Variants in GDAP1L1 observed in about 807,000 individuals in gnomAD.
GDAP1L1 encodes the protein ganglioside-induced differentiation-associated protein 1-like 1.
In GDAP1L1, 21 loss-of-function variants were observed where a neutral mutation model predicts 37.1. That is an observed-to-expected ratio of 0.57 (90% confidence interval 0.40 to 0.81). The LOEUF (loss-of-function observed/expected upper bound fraction) is 0.81, where lower values mean the gene tolerates loss of function less well. Ranked by LOEUF, GDAP1L1 falls within the 40% of genes least tolerant of loss-of-function variation. The pLI, the probability that GDAP1L1 is intolerant of heterozygous loss-of-function variation, is 0.00. For missense variants in GDAP1L1, 362 were observed against 491.6 expected, an observed-to-expected ratio of 0.74 and a Z score of 2.49; for synonymous variants, 193 against 209.1, an observed-to-expected ratio of 0.92 and a Z score of 0.67.
rs1177994029 is a variant in GDAP1L1, at chr20:44,263,357, T to G, written c.645+30T>G. On this transcript the variant is annotated intron_variant, in intron 4 of 5. Coordinates refer to ENST00000342560, the MANE Select transcript of GDAP1L1 (RefSeq NM_024034.6). ...GTACCTCCCGGCCTGCTGAGTCCCC[T>G]TCCCTACGAGCTCTTCCACGGAAAT... 9 of 1,408,722 alleles carry G rather than the reference T, an allele frequency of 6.4e-6. No individual in the cohort carries two copies. The East Asian group carries it at 2.0e-4, about 32-fold the overall frequency. The allele number at this position is 1,408,722 out of a possible 1,614,324, so 87.3% of individuals were successfully genotyped here. A position where few individuals can be genotyped will look rare whatever the true frequency, so the allele number is the denominator to read the frequency against.
At chr20:44,275,565 C>T (rs575439974) in intron 5 of GDAP1L1, among the ~76,000 whole-genome samples, 3 of 152,192 alleles carry the variant, frequency 2.0e-5, no homozygotes, top group Admixed American at 6.5e-5. Flanking sequence ...GACAAAGGCC[C>T]GGAGGCTGAA....
At chr20:44,277,340 C>G (rs1238184093) in intron 5 of GDAP1L1, among the ~76,000 whole-genome samples, 1 of 152,202 alleles carries the variant, frequency 6.6e-6, no homozygotes, top group African/African-American at 2.4e-5. Context: ...GTGAAGGAGG[C>G]AGAGGAATGA....
chr20:44,254,353 A>G (rs2073500095), intron 1 of GDAP1L1, among the ~76,000 whole-genome samples: 1 of 152,222 alleles, frequency 6.6e-6, no homozygotes, highest in East Asian at 1.9e-4. Context: ...TTGCTCACTC[A>G]TACACACGCA....
chr20:44,258,296 C>T (rs1407580110), intron 2 of GDAP1L1, 138 bp from the exon 3 acceptor site: 46 of 843,110 alleles, frequency 5.5e-5, no homozygotes, highest in Non-Finnish European at 7.2e-5. Flanking sequence ...ATCCCCTGTC[C>T]GCCAGCAGCC....
At position 44,263,326 on chromosome 20, in the gene GDAP1L1, T is replaced by C. The variant is rs760569585; in HGVS notation, c.644T>C (p.Met215Thr). The C allele has an allele frequency of 6.2e-7, 1 of 1,608,964 alleles. No homozygotes were observed. The highest frequency in any genetic ancestry group is 1.1e-5 in the South Asian group (1 of 90,950). ...TACCTTTCTAAACAAAAGAAGCTCA[T>C]GGTGAGTACCTCCCGGCCTGCTGAG... ...EPYLSKQKKL[M>T]AKILEHDDVS... The change falls in exon 4 of 6, where the codon ATG (methionine) becomes ACG (threonine). Residue 215 changes from methionine to threonine, a missense_variant and splice_region_variant. Coordinates refer to ENST00000342560, the MANE Select transcript of GDAP1L1 (RefSeq NM_024034.6).
rs567145186 is a variant in GDAP1L1, at chr20:44,265,156, G to A, written c.760+597G>A. On this transcript the variant is annotated intron_variant, in intron 5 of 5. Coordinates refer to ENST00000342560, the MANE Select transcript of GDAP1L1 (RefSeq NM_024034.6). The stretch of plus-strand genomic sequence containing the variant: ...CCCAAGAATGCATTATAGCTCCTTC[G>A]TGCTCCAGCCAGACATCCAAGCTCA... 7.0e-5 allele frequency: 69 copies of A among 985,256 alleles called. 1 individual carries two copies. In the African/African-American group the frequency reaches 1.1e-3, roughly 16 times the overall value. The allele number at this position is 985,256 out of a possible 1,614,324, so 61.0% of individuals were successfully genotyped here.
chr20:44,275,814 CA>C (rs1411461208), intron 5 of GDAP1L1, among the ~76,000 whole-genome samples: 1 of 152,118 alleles, frequency 6.6e-6, no homozygotes, highest in Non-Finnish European at 1.5e-5. Flanking sequence ...ATTGCACAAA[CA>C]AGTGTTTTCT....
chr20:44,278,923 C>T (rs748990426), intron 5 of GDAP1L1, 34 bp from the exon 6 acceptor site: 2 of 1,415,808 alleles, frequency 1.4e-6, no homozygotes, highest in Admixed American at 3.5e-5. Context: ...TTAGGGGAGG[C>T]TGATCCCCTT....
At chr20:44,269,586 T>C (rs2062491257) in intron 5 of GDAP1L1, among the ~76,000 whole-genome samples, 1 of 151,964 alleles carries the variant, frequency 6.6e-6, no homozygotes, top group African/African-American at 2.4e-5. Context: ...ATTTTGAAGA[T>C]AAAATGAGCA....
At chr20:44,262,721 T>G (rs920172020) in intron 3 of GDAP1L1, among the ~76,000 whole-genome samples, 2 of 151,918 alleles carry the variant, frequency 1.3e-5, no homozygotes, top group African/African-American at 4.8e-5. Flanking sequence ...TTTATTTATT[T>G]TTGTATTTTT....
intron 1 of GDAP1L1, among the ~76,000 whole-genome samples, chr20:44,248,949 T>A (rs1044031037): frequency 1.3e-5 from 2 of 152,188 alleles, no homozygotes; most frequent in African/African-American, 4.8e-5. Flanking sequence ...AGGGCTATTA[T>A]GAGAGTGAAA....
chr20:44,272,702 G>A (rs1351969980), intron 5 of GDAP1L1, among the ~76,000 whole-genome samples: 3 of 152,138 alleles, frequency 2.0e-5, no homozygotes, highest in East Asian at 3.9e-4. Context: ...CTGCCCAGGC[G>A]CACACACAAA....
chr20:44,272,579 C>G (rs111737460), intron 5 of GDAP1L1, among the ~76,000 whole-genome samples: 3,120 of 152,220 alleles, frequency 0.02, 108 homozygotes, highest in African/African-American at 0.071. Context: ...TCGCCTCCAG[C>G]TGGCAGACCC....
intron 1 of GDAP1L1, among the ~76,000 whole-genome samples, chr20:44,253,169 G>A (rs543498180): frequency 3.9e-5 from 6 of 152,176 alleles, no homozygotes; most frequent in South Asian, 4.2e-4. Context: ...CGCACTCACC[G>A]TCTTTTGACA....
intron 5 of GDAP1L1, 51 bp from the exon 6 acceptor site, chr20:44,278,906 G>A: frequency 8.6e-7 from 1 of 1,167,900 alleles, no homozygotes; most frequent in Non-Finnish European, 1.3e-6. Flanking sequence ...AGAAGCAAGT[G>A]TGTGTGTTAG....
chr20:44,258,322 G>C (rs2073602966), intron 2 of GDAP1L1, 112 bp from the exon 3 acceptor site: 1 of 1,036,460 alleles, frequency 9.6e-7, no homozygotes, highest in African/African-American at 1.6e-5. Flanking sequence ...CGAGCATGGG[G>C]GTGCCCAGGG....
rs1447427638 is a variant in GDAP1L1 at position 44,279,156 on chromosome 20, C to T, written c.960C>T (p.Thr320=). The T allele has an allele frequency of 2.5e-6, 4 of 1,614,002 alleles. No homozygotes were observed. In the African/African-American group the frequency reaches 4.0e-5, roughly 16 times the overall value. Residue 320 remains threonine (T), a synonymous_variant, in exon 6 of 6, where the codon ACC becomes ACT. Transcript: ENST00000342560. ...GGAAAGTCCTGGGTGACATCCACAC[C>T]ACCCTGCTGTCGGCCGTCATCCCCA... is the stretch of plus-strand genomic sequence containing the variant. ...AFRKVLGDIH[T]TLLSAVIPNA... is the part of the protein sequence containing the mutation.
chr20:44,270,741 G>C (rs960047798), intron 5 of GDAP1L1, among the ~76,000 whole-genome samples: 1 of 152,186 alleles, frequency 6.6e-6, no homozygotes, highest in African/African-American at 2.4e-5. Context: ...CCTCTCAATA[G>C]GCTGCTTGGG....
At chr20:44,276,375 G>A (rs2062574281) in intron 5 of GDAP1L1, among the ~76,000 whole-genome samples, 1 of 130,974 alleles carries the variant, frequency 7.6e-6, no homozygotes, top group Admixed American at 8.0e-5. Flanking sequence ...AGGAAGGAAG[G>A]AAGGAAGGAA....
Sources: allele counts gnomAD v4.1 joint callset (sites outside exome capture counted in the v4.1 genomes callset), GRCh38; gene constraint gnomAD v4.1.1; transcripts MANE v1.5; gene names NCBI Gene and HGNC (gene_info 2026-07-23, HGNC 2026-07-21).